GAK: variants seen among roughly 807,000 people sequenced by gnomAD.
GAK encodes cyclin G associated kinase, also known as cyclin-G-associated kinase.
GAK carries 79 observed loss-of-function variants against 143.9 expected under a neutral mutation model. The ratio of observed to expected loss-of-function variants is 0.55; its 90% CI spans 0.46 to 0.66. The LOEUF (loss-of-function observed/expected upper bound fraction) is 0.66. Among genes scored for constraint, GAK ranks in the 30% least tolerant of loss-of-function variants. GAK has a pLI of 0.00. For synonymous variants in GAK, 881 were observed against 765.5 expected (o/e 1.15, Z -2.49); for missense variants, 1,693 against 1,779.7 (o/e 0.95, Z 0.88).
At chr4:928,080 T>C (rs1490605308) in intron 1 of GAK, among the ~76,000 whole-genome samples, 5 of 152,144 alleles carry the variant, frequency 3.3e-5, no homozygotes, top group African/African-American at 9.7e-5. Flanking sequence ...TTTTTTGAGA[T>C]AGAGTCTCGC....
At chr4:887,175 CGCGTACACAT>C (rs1269006654) in intron 11 of GAK, 1 of 151,860 alleles carries the variant, frequency 6.6e-6, no homozygotes, top group Non-Finnish European at 1.5e-5. Flanking sequence ...CGCGCACACA[CGCGTACACAT>C]GCACGCGGCT....
At position 885,024 on chromosome 4, in the gene GAK, T is replaced by C. The variant is rs557710131; in HGVS notation, c.1206-938A>G. 1.6e-3 allele frequency among the ~76,000 whole-genome samples: 246 copies of C among 151,874 alleles called. 1 individual carries two copies. Among genetic ancestry groups the C allele is most frequent in the Admixed American group, 3.7e-3 (57 of 15,262 alleles). ...GCTGACATAGGATGCGGGTCTTCCG[T>C]GCGTTCAAACGTTTTAAAAGCCGTC... On this transcript the variant is annotated intron_variant, in intron 11 of 27. Transcript: ENST00000314167.
In GAK at chr4:867,320, G is replaced by T; in HGVS notation, c.2508C>A (p.Ile836=). Residue 836 remains isoleucine, a synonymous_variant, in exon 21 of 28, where the codon ATC becomes ATA. Transcript: ENST00000314167. The stretch of plus-strand genomic sequence containing the variant: ...CCCTGGGTTCCTGGCCCTCGCTGGA[G>T]ATCGGGGATCCCCCTTCATCTGACA... ...SEVSDEGGSP[I]SSEGQEPRAD... The T allele has an allele frequency of 1.2e-6, 2 of 1,611,170 alleles. No homozygotes were observed. The highest frequency in any genetic ancestry group is 1.7e-6 in the Non-Finnish European group (2 of 1,178,378).
At chr4:876,323 C>A (rs752130078) in intron 18 of GAK, among the ~76,000 whole-genome samples, 4 of 151,738 alleles carry the variant, frequency 2.6e-5, no homozygotes, top group East Asian at 2.0e-4. Flanking sequence ...CACACACCAA[C>A]GGGGGGGCAG....
At chr4:899,038 G>A (rs778647127) in intron 5 of GAK, among the ~76,000 whole-genome samples, 2 of 152,188 alleles carry the variant, frequency 1.3e-5, no homozygotes, top group Non-Finnish European at 2.9e-5. Flanking sequence ...CGCGTGACAA[G>A]GCAGCAACGC....
chr4:916,999 G>A (rs189447555), intron 1 of GAK, among the ~76,000 whole-genome samples: 104 of 152,340 alleles, frequency 6.8e-4, no homozygotes, highest in African/African-American at 2.4e-3. Flanking sequence ...CAATAAAAAG[G>A]AGGAAACTGC....
chr4:893,943 G>A lies in GAK; in HGVS notation c.808C>T (p.Arg270Ter). ...ATCGAGTACTTCCCATTGACTATTC[G>A]AAGTTTCGCTCCATCCTCAAAAGGG... The part of the protein sequence containing the change: ...QHPFEDGAKL[R>*]IVNGKYSIPP... The change falls in exon 8 of 28, where the codon CGA becomes TGA. Residue 270 changes from arginine (R) to a stop codon, truncating the protein, a stop_gained. Transcript: ENST00000314167. LOFTEE classifies it high-confidence loss of function. 6.2e-7 allele frequency: 1 copy of A among 1,613,060 alleles called. No individual in the cohort carries two copies. The highest frequency in any genetic ancestry group is 8.5e-7 in the Non-Finnish European group (1 of 1,179,772).
chr4:910,074 G>A (rs1721776002), intron 4 of GAK, among the ~76,000 whole-genome samples: 1 of 152,158 alleles, frequency 6.6e-6, no homozygotes, highest in Admixed American at 6.5e-5. Context: ...GGCCAGGTGG[G>A]ACCCCCAGGC....
intron 15 of GAK, 78 bp from the exon 16 acceptor site, chr4:877,887 A>G (rs1564280): frequency 0.81 from 1,061,190 of 1,308,336 alleles, 431,436 homozygotes; most frequent in South Asian, 0.92. Context: ...TTTCGAATAG[A>G]AGTTTTTCAT....
intron 26 of GAK, 177 bp downstream of exon 26, chr4:850,759 G>A: frequency 1.8e-6 from 1 of 569,522 alleles, no homozygotes; most frequent in Non-Finnish European, 2.8e-6. Flanking sequence ...AGGGCTGCCA[G>A]GCCCATCGGC....
In GAK at chr4:868,519, G is replaced by C. The variant is rs114673114; in HGVS notation, c.2395+20C>G. 2,052 of 1,598,254 alleles carry C rather than the reference G, an allele frequency of 1.3e-3. 18 individuals are homozygous for C. In the African/African-American group the frequency reaches 0.023, roughly 18 times the overall value. Reference sequence around the variant, plus strand: ...GGGGCCTGCCCTCTGCAAGTGGCCAGGTCCAGGGACGCTGCCTACCCTGCC... The same window carrying C: ...GGGGCCTGCCCTCTGCAAGTGGCCACGTCCAGGGACGCTGCCTACCCTGCC... On this transcript the variant is annotated intron_variant, in intron 20 of 27. Transcript: ENST00000314167.
At position 849,875 on chromosome 4, in the gene GAK, C is replaced by T; in HGVS notation, c.3834+17G>A. ...GCCCCTGAAGGCCTCAAGCGGCCGC[C>T]TGGCAGCTCTGCTCACCTTGTCGGG... On this transcript the variant is annotated intron_variant, in intron 27 of 27. Coordinates refer to ENST00000314167, the MANE Select transcript of GAK (RefSeq NM_005255.4). 6.4e-7 allele frequency: 1 copy of T among 1,572,360 alleles called. No homozygotes were observed. The highest frequency in any genetic ancestry group is 8.7e-7 in the Non-Finnish European group (1 of 1,153,050).
At chr4:863,727 C>T (rs544725967) in intron 23 of GAK, among the ~76,000 whole-genome samples, 3 of 152,318 alleles carry the variant, frequency 2.0e-5, no homozygotes, top group South Asian at 2.1e-4. Context: ...TGCTATTGCA[C>T]GCTTAACAGA....
chr4:854,398 T>C (rs1483685330), intron 24 of GAK, among the ~76,000 whole-genome samples: 2 of 152,222 alleles, frequency 1.3e-5, no homozygotes. Context: ...CTCAGAGCTC[T>C]GAAGTTGGGT....
chr4:867,458 G>A, intron 20 of GAK, 26 bp from the exon 21 acceptor site: 3 of 1,495,628 alleles, frequency 2.0e-6, no homozygotes, highest in East Asian at 2.4e-5. Context: ...AAAACCACAG[G>A]CTAGTGAGAC....
chr4:850,853 C>T (rs954051565), intron 26 of GAK, 83 bp downstream of exon 26: 30 of 1,466,476 alleles, frequency 2.0e-5, no homozygotes, highest in Middle Eastern at 2.5e-4. Flanking sequence ...CTGGAGACGC[C>T]GGCTCCATAA....
At chr4:892,748 G>A (rs573426937) in intron 9 of GAK, among the ~76,000 whole-genome samples, 1 of 152,326 alleles carries the variant, frequency 6.6e-6, no homozygotes, top group East Asian at 1.9e-4. Context: ...GCTGAGGGCT[G>A]GCTGACCTGG....
intron 2 of GAK, 31 bp from the exon 3 acceptor site, chr4:912,825 G>T (rs1308198495): frequency 3.1e-6 from 5 of 1,600,734 alleles, no homozygotes; most frequent in African/African-American, 2.7e-5. Context: ...CACAAAAGAT[G>T]AAAGCAAGTT....
intron 1 of GAK, among the ~76,000 whole-genome samples, chr4:922,240 C>T (rs1388827736): frequency 2.6e-5 from 4 of 152,108 alleles, no homozygotes; most frequent in Non-Finnish European, 5.9e-5. Flanking sequence ...ATCGGCCGGG[C>T]GCGGTGGCTC....
Sources: allele counts gnomAD v4.1 joint callset (sites outside exome capture counted in the v4.1 genomes callset), GRCh38; gene constraint gnomAD v4.1.1; transcripts MANE v1.5; gene names NCBI Gene and HGNC (gene_info 2026-07-23, HGNC 2026-07-21).